GEMIN2: variants seen among roughly 807,000 people sequenced by gnomAD.
GEMIN2 encodes gem-associated protein 2.
In GEMIN2, 37 loss-of-function variants were observed where a neutral mutation model predicts 45.8. The ratio of observed to expected loss-of-function variants is 0.81; its 90% confidence interval spans 0.62 to 1.06. The LOEUF is 1.06. Among genes scored for constraint, GEMIN2 ranks in the 50% least tolerant of loss-of-function variants. The pLI, the probability that GEMIN2 is intolerant of heterozygous loss-of-function variation, is 0.00. For synonymous variants in GEMIN2, 101 were observed against 111.5 expected, an observed-to-expected ratio of 0.91 and a Z score of 0.60; for missense variants, 335 against 321.8, an observed-to-expected ratio of 1.04 and a Z score of -0.31.
At chr14:39,126,575 T>A (rs12100660) in intron 6 of GEMIN2, among the ~76,000 whole-genome samples, 7,571 of 152,292 alleles carry the variant, frequency 0.05, 667 homozygotes, top group African/African-American at 0.17. Flanking sequence ...GCAGTCATAC[T>A]AAATTCCATC....
chr14:39,136,831 T>C lies in GEMIN2; in HGVS notation c.*352T>C, dbSNP rs1398479935. The C allele has an allele frequency of 5.8e-6, 1 of 173,828 alleles. No individual in the cohort carries two copies. The highest frequency in any genetic ancestry group is 2.4e-5 in the African/African-American group (1 of 42,192). 10.8% of individuals were successfully genotyped at this position (173,828 alleles called of 1,614,324 possible). A position where few individuals can be genotyped will look rare whatever the true frequency, so the allele number is the denominator to read the frequency against. ...TTACTTATATACATATAAAATTTTA[T>C]TGAAAATATGTTTTGGTTACTAAAA... On this transcript the variant is annotated 3_prime_UTR_variant, in exon 10 of 10. Transcript: ENST00000308317.
chr14:39,133,129 TATTA>T (rs2052741646), intron 8 of GEMIN2, among the ~76,000 whole-genome samples: 4 of 144,030 alleles, frequency 2.8e-5, no homozygotes, highest in Non-Finnish European at 1.5e-5. Flanking sequence ...GATTAATATA[TATTA>T]TATATATTCA....
At position 39,133,659 on chromosome 14, in the gene GEMIN2, A is replaced by G; in HGVS notation, c.712-2A>G. 5 of 1,333,632 alleles carry G rather than the reference A, an allele frequency of 3.7e-6. No homozygotes were observed. The highest frequency in any genetic ancestry group is 2.3e-5 in the Admixed American group (1 of 44,312). 82.6% of individuals were successfully genotyped at this position (1,333,632 alleles called of 1,614,324 possible). A position where few individuals can be genotyped will look rare whatever the true frequency, so the allele number is the denominator to read the frequency against. On this transcript the variant is annotated splice_acceptor_variant, in intron 8 of 9. Coordinates refer to ENST00000308317, the MANE Select transcript of GEMIN2 (RefSeq NM_003616.3). LOFTEE classifies it high-confidence loss of function. ...TTTAAATTTTTCTTTTTTTTTTTTTAGGATAGCAAAGATGATGAGAGGGTT... is the reference window on the plus strand; with the variant it reads ...TTTAAATTTTTCTTTTTTTTTTTTTGGGATAGCAAAGATGATGAGAGGGTT...
chr14:39,127,598 C>A (rs2052661062), intron 6 of GEMIN2, among the ~76,000 whole-genome samples: 1 of 151,974 alleles, frequency 6.6e-6, no homozygotes, highest in African/African-American at 2.4e-5. Context: ...CCTCGGCCTC[C>A]CAAAGTGCTG....
intron 2 of GEMIN2, among the ~76,000 whole-genome samples, 157 bp downstream of exon 2, chr14:39,115,070 T>C (rs1380519859): frequency 6.6e-6 from 1 of 152,244 alleles, no homozygotes; most frequent in African/African-American, 2.4e-5. Context: ...AGAAAGACAA[T>C]TGGCATTTAC....
chr14:39,122,592 C>T, intron 5 of GEMIN2, 49 bp downstream of exon 5: 1 of 996,880 alleles, frequency 1.0e-6, no homozygotes, highest in Non-Finnish European at 1.5e-6. Context: ...AATTTTGGTG[C>T]ACCACTTAAT....
At chr14:39,120,699 C>G (rs1306713552) in intron 4 of GEMIN2, among the ~76,000 whole-genome samples, 1 of 152,158 alleles carries the variant, frequency 6.6e-6, no homozygotes, top group East Asian at 1.9e-4. Context: ...ACAATCTTGG[C>G]TCACTGCAAC....
Position 39,118,033 on chromosome 14 carries a change from C to T in GEMIN2, c.257C>T (p.Ser86Phe). 1.2e-6 allele frequency: 2 copies of T among 1,608,112 alleles called. No individual in the cohort carries two copies. Among genetic ancestry groups the T allele is most frequent in the South Asian group, 2.2e-5 (2 of 90,710 alleles). Residue 86 changes from serine to phenylalanine, a missense_variant, in exon 3 of 10, where the codon TCC (serine) becomes TTC (phenylalanine). Ser to Phe is a radical substitution (Grantham distance 155). Transcript: ENST00000308317. ...TGCCAACCCGCCCCTGAAGGTTATT[C>T]CCCAACACTTCAATGGCAACAGCAA... ...SGCQPAPEGY[S>F]PTLQWQQQQV...
At chr14:39,129,923 C>T (rs2052693788) in intron 7 of GEMIN2, among the ~76,000 whole-genome samples, 1 of 143,074 alleles carries the variant, frequency 7.0e-6, no homozygotes, top group South Asian at 2.2e-4. Flanking sequence ...TATCTCATTG[C>T]AGACAAGTTT....
intron 2 of GEMIN2, among the ~76,000 whole-genome samples, chr14:39,116,965 T>C (rs981967877): frequency 3.9e-5 from 6 of 152,156 alleles, no homozygotes; most frequent in African/African-American, 2.4e-5. Context: ...TCAGGCTGTA[T>C]GTGCTCTTTT....
chr14:39,124,968 A>G, intron 5 of GEMIN2, 24 bp from the exon 6 acceptor site: 1 of 1,302,570 alleles, frequency 7.7e-7, no homozygotes, highest in Non-Finnish European at 1.1e-6. Flanking sequence ...ATTTAGTAAA[A>G]TTCAGTCTCA....
chr14:39,128,834 T>C (rs2052680296), intron 7 of GEMIN2, among the ~76,000 whole-genome samples: 1 of 152,130 alleles, frequency 6.6e-6, no homozygotes, highest in Non-Finnish European at 1.5e-5. Flanking sequence ...AGACGAGGTC[T>C]CACCATGTTC....
intron 7 of GEMIN2, among the ~76,000 whole-genome samples, chr14:39,129,740 A>G (rs553784562): frequency 3.3e-5 from 5 of 151,304 alleles, no homozygotes; most frequent in South Asian, 2.1e-4. Context: ...TTATATTTGT[A>G]TATGTGTGTG....
Position 39,132,450 on chromosome 14 carries a change from G to A in GEMIN2, c.711+382G>A, listed in dbSNP as rs138874707. Among the ~76,000 whole-genome samples the A allele has an allele frequency of 1.3e-3, 193 of 152,118 alleles. 2 individuals carry two copies. The highest frequency in any genetic ancestry group is 4.4e-3 in the African/African-American group (182 of 41,504). ...GGAGGCTGAGGCAGGAGAATCGTTC[G>A]AACCCAGGAGGCGGAGGTTGCAGTG... On this transcript the variant is annotated intron_variant, in intron 8 of 9. Coordinates refer to ENST00000308317, the MANE Select transcript of GEMIN2 (RefSeq NM_003616.3).
chr14:39,136,217 C>A (rs2139364355), intron 9 of GEMIN2, among the ~76,000 whole-genome samples: 1 of 152,220 alleles, frequency 6.6e-6, no homozygotes, highest in South Asian at 2.1e-4. Flanking sequence ...TCCTGGAAAT[C>A]ATACTTTAGC....
chr14:39,130,692 G>A lies in GEMIN2; in HGVS notation c.601-1266G>A, dbSNP rs202179275. Among the ~76,000 whole-genome samples, 5 of 151,994 alleles carry A rather than the reference G, an allele frequency of 3.3e-5. No homozygotes were observed. The East Asian group carries it at 7.7e-4, about 24-fold the overall frequency. ...GCGGATCACTTGAGGTCAGGAGTTC[G>A]ACACCAGCCTGGCCAACATGGTGAA... On this transcript the variant is annotated intron_variant, in intron 7 of 9. Coordinates refer to ENST00000308317, the MANE Select transcript of GEMIN2 (RefSeq NM_003616.3).
chr14:39,124,213 C>T (rs542465712), intron 5 of GEMIN2, among the ~76,000 whole-genome samples: 2 of 152,144 alleles, frequency 1.3e-5, no homozygotes, highest in African/African-American at 4.8e-5. Context: ...TTAGCAATCA[C>T]AGCCTCAGAC....
At chr14:39,119,844 G>C (rs1393937054) in intron 4 of GEMIN2, among the ~76,000 whole-genome samples, 1 of 152,192 alleles carries the variant, frequency 6.6e-6, no homozygotes, top group Non-Finnish European at 1.5e-5. Flanking sequence ...GGTATAGCTA[G>C]TCCTTCTATC....
chr14:39,131,328 G>A (rs977993947), intron 7 of GEMIN2, among the ~76,000 whole-genome samples: 85 of 152,294 alleles, frequency 5.6e-4, no homozygotes, highest in African/African-American at 1.9e-3. Context: ...ATACGAATAG[G>A]AAAAACAAGA....
Sources: allele counts gnomAD v4.1 joint callset (sites outside exome capture counted in the v4.1 genomes callset), GRCh38; gene constraint gnomAD v4.1.1; transcripts MANE v1.5; gene names NCBI Gene and HGNC (gene_info 2026-07-23, HGNC 2026-07-21).